Variants in ZNF280B observed in about 807,000 individuals in gnomAD.
The protein encoded by ZNF280B is suppressor of hairy wing homolog 2.
In ZNF280B, 16 loss-of-function variants were observed where a neutral mutation model predicts 38.0. The ratio of observed to expected loss-of-function variants is 0.42; its 90% CI spans 0.28 to 0.64. The LOEUF is 0.64. ZNF280B is among the 30% of genes least tolerant of loss of function. The pLI is 0.21. For missense variants in ZNF280B, 581 were observed against 639.6 expected, an observed-to-expected ratio of 0.91 and a Z score of 0.99; for synonymous variants, 253 against 230.6, an observed-to-expected ratio of 1.10 and a Z score of -0.88.
At chr22:22,493,914 AC>A in intron 3 of ZNF280B, 148 bp downstream of exon 3, 1 of 149,484 alleles carries the variant, frequency 6.7e-6, no homozygotes, top group Non-Finnish European at 1.5e-5. Context: ...TGTTCCCCCC[AC>A]CCCCAAATTT....
chr22:22,502,407 G>A (rs114319264), intron 2 of ZNF280B, among the ~76,000 whole-genome samples: 1,905 of 151,664 alleles, frequency 0.013, 41 homozygotes, highest in African/African-American at 0.042. Context: ...TAAATATGGC[G>A]TTACCATATG....
intron 2 of ZNF280B, among the ~76,000 whole-genome samples, chr22:22,495,579 G>A (rs74457113): frequency 0.024 from 3,650 of 152,010 alleles, 73 homozygotes; most frequent in Middle Eastern, 0.097. Flanking sequence ...GTAATTTTAC[G>A]TAGTGTAGTC....
intron 3 of ZNF280B, among the ~76,000 whole-genome samples, chr22:22,491,513 C>CA (rs2061597118): frequency 7.2e-6 from 1 of 138,994 alleles, no homozygotes; most frequent in African/African-American, 2.7e-5. Context: ...GGCTGGAGTA[C>CA]AGTGGCGCAA....
chr22:22,490,888 T>C (rs189834674), intron 3 of ZNF280B, among the ~76,000 whole-genome samples: 4 of 151,792 alleles, frequency 2.6e-5, no homozygotes, highest in African/African-American at 9.7e-5. Flanking sequence ...TAGGGCTCTA[T>C]TCCAAGTATC....
At chr22:22,490,089 A>G (rs942816718) in intron 3 of ZNF280B, among the ~76,000 whole-genome samples, 3 of 151,974 alleles carry the variant, frequency 2.0e-5, no homozygotes, top group Non-Finnish European at 2.9e-5. Flanking sequence ...CATAACCAAC[A>G]AACAGCATAG....
At position 22,486,693 on chromosome 22, in the gene ZNF280B, T is replaced by A. The variant is rs912880882; in HGVS notation, c.*1074A>T. On this transcript the variant is annotated 3_prime_UTR_variant, in exon 4 of 4. Coordinates refer to ENST00000626650, the MANE Select transcript of ZNF280B (RefSeq NM_080764.4). ...GGCTGTTTGATGTCTGCAGGGGCCCTTCACCAAACAAAAGCATTTTACTTT... is the reference window on the plus strand; with the variant it reads ...GGCTGTTTGATGTCTGCAGGGGCCCATCACCAAACAAAAGCATTTTACTTT... The A allele has an allele frequency of 1.3e-5, 2 of 151,980 alleles. No individual in the cohort carries two copies. Among genetic ancestry groups the A allele is most frequent in the Admixed American group, 1.3e-4 (2 of 15,238 alleles). The allele number at this position is 151,980 out of a possible 1,614,324, so 9.4% of individuals were successfully genotyped here. A position where few individuals can be genotyped will look rare whatever the true frequency, so the allele number is the denominator to read the frequency against.
Position 22,504,344 on chromosome 22 carries a change from T to C in ZNF280B, c.-187+3466A>G, listed in dbSNP as rs567892856. On this transcript the variant is annotated intron_variant, in intron 2 of 3. Coordinates refer to ENST00000626650, the MANE Select transcript of ZNF280B (RefSeq NM_080764.4). The stretch of plus-strand genomic sequence containing the variant: ...GCTACTCAGGAGGCAGGAGAATTGC[T>C]TGAACCCGGGAGGCAGAGGTTGCAG... Among the ~76,000 whole-genome samples, 7 of 151,612 alleles carry C rather than the reference T, an allele frequency of 4.6e-5. No individual in the cohort carries two copies. The South Asian group carries it at 1.5e-3, about 32-fold the overall frequency.
chr22:22,496,935 G>A (rs1279364088), intron 2 of ZNF280B, among the ~76,000 whole-genome samples: 14 of 148,874 alleles, frequency 9.4e-5, no homozygotes, highest in Admixed American at 6.8e-4. Context: ...CTCCTGTCTT[G>A]GCCTCCCAAG....
At chr22:22,491,278 C>T (rs1323947570) in intron 3 of ZNF280B, among the ~76,000 whole-genome samples, 4 of 151,124 alleles carry the variant, frequency 2.6e-5, no homozygotes, top group South Asian at 2.1e-4. Context: ...TTGGAAATTC[C>T]GTAGGCCAAT....
chr22:22,494,328 C>G (rs1218521837), intron 2 of ZNF280B, 148 bp from the exon 3 acceptor site: 3 of 151,838 alleles, frequency 2.0e-5, no homozygotes, highest in Non-Finnish European at 4.4e-5. Flanking sequence ...ACTGATTAAC[C>G]CTCCATCCAA....
Position 22,488,908 on chromosome 22 carries a change from C to A in ZNF280B, c.491G>T (p.Gly164Val), listed in dbSNP as rs1162496280. The change falls in exon 4 of 4, where the codon GGT becomes GTT. Residue 164 changes from glycine to valine, a missense_variant. Physicochemically the swap from Gly to Val is moderately radical, Grantham distance 109. Coordinates refer to ENST00000626650, the MANE Select transcript of ZNF280B (RefSeq NM_080764.4). ...TGATACACGAGGACTTTCATTTATA[C>A]CTCCTACTGAAAGTGCTGTACTTAC... ...HPVSTALSVG[G>V]INESPRVSKQ... 2.5e-6 allele frequency: 4 copies of A among 1,613,500 alleles called. No individual in the cohort carries two copies. Among genetic ancestry groups the A allele is most frequent in the South Asian group, 2.2e-5 (2 of 91,060 alleles).
intron 3 of ZNF280B, among the ~76,000 whole-genome samples, chr22:22,492,904 T>C (rs2146782052): frequency 6.6e-6 from 1 of 150,928 alleles, no homozygotes; most frequent in Non-Finnish European, 1.5e-5. Context: ...AAAAAGAAAA[T>C]ATTCTAATTC....
intron 1 of ZNF280B, among the ~76,000 whole-genome samples, chr22:22,508,356 C>A (rs1024025702): frequency 1.3e-5 from 2 of 151,840 alleles, no homozygotes; most frequent in Non-Finnish European, 2.9e-5. Flanking sequence ...GCACTGGGAG[C>A]CAGGAAAGGC....
intron 1 of ZNF280B, among the ~76,000 whole-genome samples, chr22:22,508,181 G>C (rs2061977592): frequency 6.6e-6 from 1 of 151,970 alleles, no homozygotes; most frequent in Non-Finnish European, 1.5e-5. Context: ...AATGAGACAA[G>C]ACGCTGCGGT....
chr22:22,509,046 T>C (rs2061999579), upstream of ZNF280B: 1 of 154,656 alleles, frequency 6.5e-6, no homozygotes, highest in Non-Finnish European at 1.4e-5. Context: ...CTGAGGAGCA[T>C]CCAGGCAGTC....
In ZNF280B at chr22:22,489,340, G is replaced by T; in HGVS notation, c.59C>A (p.Thr20Asn). The T allele has an allele frequency of 6.2e-7, 1 of 1,613,412 alleles. No individual in the cohort carries two copies. The highest frequency in any genetic ancestry group is 8.5e-7 in the Non-Finnish European group (1 of 1,179,874). Residue 20 changes from threonine to asparagine, a missense_variant, in exon 4 of 4, where the codon ACC (threonine) becomes AAC (asparagine). Thr to Asn is a moderately conservative substitution (Grantham distance 65). Coordinates refer to ENST00000626650, the MANE Select transcript of ZNF280B (RefSeq NM_080764.4). ...EPEPQKNIQE[T>N]KQVDDEDAEL... The stretch of plus-strand genomic sequence containing the variant: ...AGCATCTTCGTCATCTACTTGTTTG[G>T]TTTCTTGTATGTTCTTCTGTGGTTC...
intron 2 of ZNF280B, among the ~76,000 whole-genome samples, chr22:22,497,212 A>T (rs2061717741): frequency 2.6e-5 from 1 of 38,854 alleles, no homozygotes; most frequent in Admixed American, 2.6e-4. Context: ...CATCTTTAAA[A>T]AAAAAAAAAA....
intron 2 of ZNF280B, among the ~76,000 whole-genome samples, chr22:22,500,720 G>A (rs555059607): frequency 1.3e-5 from 2 of 151,888 alleles, no homozygotes; most frequent in East Asian, 4.0e-4. Context: ...TTAGCCAGAT[G>A]TGGTGGCAGG....
rs888797898 is a variant in ZNF280B, at chr22:22,488,082, T to C, written c.1317A>G (p.Lys439=). The C allele has an allele frequency of 6.2e-7, 1 of 1,613,774 alleles. No individual in the cohort carries two copies. The highest frequency in any genetic ancestry group is 1.3e-5 in the African/African-American group (1 of 74,858). ...TKNLLCPFCL[K]IFKTATPYMC... ...TGTATGGTGTTGCTGTTTTGAAAAT[T>C]TTGAGACAAAAGGGACAAAGCAAAT... The change falls in exon 4 of 4, where the codon AAA becomes AAG. Residue 439 remains lysine (K), a synonymous_variant. Transcript: ENST00000626650.
Sources: allele counts gnomAD v4.1 joint callset (sites outside exome capture counted in the v4.1 genomes callset), GRCh38; gene constraint gnomAD v4.1.1; transcripts MANE v1.5; gene names NCBI Gene and HGNC (gene_info 2026-07-23, HGNC 2026-07-21).